GIPC2: variants seen among roughly 807,000 people sequenced by gnomAD.
The protein encoded by GIPC2 is PDZ domain-containing protein GIPC2.
In GIPC2, 30 loss-of-function variants were observed where a neutral mutation model predicts 30.6. The ratio of observed to expected loss-of-function variants is 0.98; its 90% CI spans 0.73 to 1.33. The LOEUF is 1.33. Ranked by LOEUF, GIPC2 falls within the 40% of genes most tolerant of loss-of-function variation. The pLI, the probability that GIPC2 is intolerant of heterozygous loss-of-function variation, is 0.00. For synonymous variants in GIPC2, 167 were observed against 150.0 expected (o/e 1.11, Z -0.83); for missense variants, 414 against 390.3 (o/e 1.06, Z -0.51).
intron 3 of GIPC2, among the ~76,000 whole-genome samples, chr1:78,108,100 T>C (rs1404217076): frequency 6.6e-6 from 1 of 152,188 alleles, no homozygotes; most frequent in African/African-American, 2.4e-5. Flanking sequence ...AGGTGAACAA[T>C]AATTTTTATT....
intron 2 of GIPC2, among the ~76,000 whole-genome samples, chr1:78,087,132 G>A (rs552857929): frequency 5.3e-5 from 8 of 152,180 alleles, no homozygotes; most frequent in Non-Finnish European, 1.2e-4. Context: ...CTTGTGGATA[G>A]GAAGGGTCAA....
At chr1:78,065,445 A>G (rs1661486885) in intron 1 of GIPC2, among the ~76,000 whole-genome samples, 1 of 152,200 alleles carries the variant, frequency 6.6e-6, no homozygotes, top group African/African-American at 2.4e-5. Flanking sequence ...GGAAGAATCA[A>G]TATCATTAAA....
chr1:78,124,664 A>G (rs1363998680), intron 4 of GIPC2, among the ~76,000 whole-genome samples: 1 of 152,146 alleles, frequency 6.6e-6, no homozygotes, highest in African/African-American at 2.4e-5. Context: ...TATCTATTGC[A>G]TCCTACTTGA....
chr1:78,062,158 G>T (rs1396959781), intron 1 of GIPC2, among the ~76,000 whole-genome samples: 2 of 152,284 alleles, frequency 1.3e-5, no homozygotes, highest in East Asian at 3.9e-4. Context: ...ACAAAGTTGA[G>T]GAAATGATAA....
Position 78,125,908 on chromosome 1 carries a change from GA to G in GIPC2, c.746del (p.Lys249ArgfsTer17). 1 of 1,587,074 alleles carries G rather than the reference GA, an allele frequency of 6.3e-7. No individual in the cohort carries two copies. The highest frequency in any genetic ancestry group is 8.7e-7 in the Non-Finnish European group (1 of 1,155,704). ...TTCTGAAACCAAAGCAAAGGCAATT[GA>G]AAAGATTGATGATGTTCTTGAGTTG... ...MPSETKAKAI[E>X]KIDDVLELYM... is the part of the protein sequence containing the mutation. On this transcript the variant is annotated frameshift_variant, in exon 5 of 6. Coordinates refer to ENST00000370759, the MANE Select transcript of GIPC2 (RefSeq NM_017655.6). LOFTEE classifies it high-confidence loss of function.
At chr1:78,133,366 A>G (rs1662936520) in intron 5 of GIPC2, among the ~76,000 whole-genome samples, 1 of 152,190 alleles carries the variant, frequency 6.6e-6, no homozygotes, top group African/African-American at 2.4e-5. Context: ...GGAGTTGAAA[A>G]TGCAGAATCT....
intron 3 of GIPC2, among the ~76,000 whole-genome samples, chr1:78,095,895 G>C (rs1662129006): frequency 6.6e-6 from 1 of 152,266 alleles, no homozygotes; most frequent in South Asian, 2.1e-4. Flanking sequence ...TTTGTTCACA[G>C]AACATAAATA....
intron 1 of GIPC2, among the ~76,000 whole-genome samples, chr1:78,078,031 A>G (rs373850609): frequency 1.2e-4 from 18 of 151,458 alleles, no homozygotes; most frequent in African/African-American, 4.1e-4. Flanking sequence ...TACTAAAAAT[A>G]CAAAAAATTA....
chr1:78,116,500 C>T (rs994073529), intron 3 of GIPC2, among the ~76,000 whole-genome samples: 1 of 151,512 alleles, frequency 6.6e-6, no homozygotes, highest in African/African-American at 2.4e-5. Flanking sequence ...TGCTATCCCT[C>T]CCGCCTCCCC....
chr1:78,130,442 C>T (rs1662873230), intron 5 of GIPC2, among the ~76,000 whole-genome samples: 1 of 152,122 alleles, frequency 6.6e-6, no homozygotes, highest in Non-Finnish European at 1.5e-5. Flanking sequence ...ACAATGAACA[C>T]TATAGAAAGT....
At chr1:78,091,442 C>T (rs992866210) in intron 2 of GIPC2, 25 of 591,788 alleles carry the variant, frequency 4.2e-5, no homozygotes, top group Non-Finnish European at 6.7e-5. Context: ...AGCCAGGGGC[C>T]TTTGCCTGGC....
chr1:78,124,291 A>T (rs941825827), intron 4 of GIPC2, among the ~76,000 whole-genome samples: 2 of 152,226 alleles, frequency 1.3e-5, no homozygotes, highest in Non-Finnish European at 2.9e-5. Context: ...GGTACCATTA[A>T]TACATAACAC....
At chr1:78,081,794 A>G (rs528256544) in intron 2 of GIPC2, among the ~76,000 whole-genome samples, 1 of 152,288 alleles carries the variant, frequency 6.6e-6, no homozygotes, top group East Asian at 1.9e-4. Flanking sequence ...TTTGCATACA[A>G]TTTCTCACTT....
intron 3 of GIPC2, among the ~76,000 whole-genome samples, chr1:78,118,086 T>C (rs1379093625): frequency 1.3e-5 from 2 of 151,286 alleles, no homozygotes; most frequent in African/African-American, 2.4e-5. Context: ...CCATGCCTGG[T>C]TAATTTTTGT....
At chr1:78,051,283 T>A (rs116290876) in intron 1 of GIPC2, among the ~76,000 whole-genome samples, 2,507 of 152,234 alleles carry the variant, frequency 0.016, 86 homozygotes, top group African/African-American at 0.058. Flanking sequence ...AATTTTATAG[T>A]TAGAAATTTT....
intron 1 of GIPC2, among the ~76,000 whole-genome samples, chr1:78,063,177 T>C (rs1011411953): frequency 6.6e-6 from 1 of 152,202 alleles, no homozygotes; most frequent in African/African-American, 2.4e-5. Flanking sequence ...TGGATTTTAA[T>C]ATCCAAGTAT....
chr1:78,132,755 TC>T (rs1662924388), intron 5 of GIPC2, among the ~76,000 whole-genome samples: 1 of 151,810 alleles, frequency 6.6e-6, no homozygotes, highest in Non-Finnish European at 1.5e-5. Context: ...TGTCATTGTC[TC>T]CCCCAGCATT....
rs1663023816 is a variant in GIPC2 at position 78,137,305 on chromosome 1, A to C, written c.*1562A>C. On this transcript the variant is annotated 3_prime_UTR_variant, in exon 6 of 6. Coordinates refer to ENST00000370759, the MANE Select transcript of GIPC2 (RefSeq NM_017655.6). ...GTTCTGAAATACCTATTAATTCTTAATATTACCTCTCTTGGAAAGACACAA... is the reference window on the plus strand; with the variant it reads ...GTTCTGAAATACCTATTAATTCTTACTATTACCTCTCTTGGAAAGACACAA... 1 of 152,138 alleles carries C rather than the reference A, an allele frequency of 6.6e-6. No individual in the cohort carries two copies. The highest frequency in any genetic ancestry group is 6.5e-5 in the Admixed American group (1 of 15,270). The allele number at this position is 152,138 out of a possible 1,614,324, so 9.4% of individuals were successfully genotyped here. A position where few individuals can be genotyped will look rare whatever the true frequency, so the allele number is the denominator to read the frequency against.
chr1:78,068,750 A>G (rs1379604671), intron 1 of GIPC2, among the ~76,000 whole-genome samples: 1 of 152,204 alleles, frequency 6.6e-6, no homozygotes, highest in African/African-American at 2.4e-5. Flanking sequence ...CCTGGGGAAT[A>G]AGGAAGGTTT....
Sources: allele counts gnomAD v4.1 joint callset (sites outside exome capture counted in the v4.1 genomes callset), GRCh38; gene constraint gnomAD v4.1.1; transcripts MANE v1.5; gene names NCBI Gene and HGNC (gene_info 2026-07-23, HGNC 2026-07-21).